The following STRN3 variants were observed in gnomAD, a reference collection of about 807,000 sequenced individuals.
STRN3 encodes striatin 3, also known as striatin-3.
In STRN3, 29 loss-of-function variants were observed where a neutral mutation model predicts 95.6. That is an observed-to-expected ratio of 0.30 (90% confidence interval 0.23 to 0.41). STRN3 has a LOEUF of 0.41. STRN3 is among the 10% of genes least tolerant of loss of function. The pLI is 1.00. For missense variants in STRN3, 890 were observed against 972.1 expected, an observed-to-expected ratio of 0.92 and a Z score of 1.12; for synonymous variants, 331 against 357.6, an observed-to-expected ratio of 0.93 and a Z score of 0.84.
At chr14:30,918,646 T>A (rs1896802435) in intron 9 of STRN3, among the ~76,000 whole-genome samples, 2 of 152,210 alleles carry the variant, frequency 1.3e-5, no homozygotes, top group South Asian at 4.1e-4. Flanking sequence ...ATATGTATTA[T>A]TTTAAGTTTG....
At chr14:30,942,528 T>C (rs1252709744) in intron 5 of STRN3, among the ~76,000 whole-genome samples, 1 of 152,156 alleles carries the variant, frequency 6.6e-6, no homozygotes, top group Non-Finnish European at 1.5e-5. Flanking sequence ...AATTTGGCCC[T>C]GAGATTCCAA....
At chr14:30,992,236 C>G (rs1003700496) in intron 1 of STRN3, among the ~76,000 whole-genome samples, 1 of 151,674 alleles carries the variant, frequency 6.6e-6, no homozygotes, top group African/African-American at 2.4e-5. Flanking sequence ...CATGGCAAAA[C>G]CCCATCTCTA....
chr14:30,953,149 AT>A, intron 3 of STRN3, among the ~76,000 whole-genome samples: 1 of 152,154 alleles, frequency 6.6e-6, no homozygotes, highest in Non-Finnish European at 1.5e-5. Context: ...ATTAGTTTCC[AT>A]TTTCTATTAT....
chr14:31,011,409 A>G (rs1383575056), intron 1 of STRN3, among the ~76,000 whole-genome samples: 1 of 152,194 alleles, frequency 6.6e-6, no homozygotes, highest in Non-Finnish European at 1.5e-5. Context: ...TGGGAGGCCG[A>G]GGCGGGTGGA....
chr14:30,991,741 G>T (rs970498034), intron 1 of STRN3, among the ~76,000 whole-genome samples: 19 of 151,964 alleles, frequency 1.3e-4, no homozygotes, highest in African/African-American at 4.3e-4. Flanking sequence ...AGGAGAGGAG[G>T]AGGAAGAGAC....
chr14:30,950,062 G>A (rs183688810), intron 4 of STRN3, among the ~76,000 whole-genome samples: 1 of 151,882 alleles, frequency 6.6e-6, no homozygotes, highest in Non-Finnish European at 1.5e-5. Context: ...ACTAGATAAG[G>A]GTGATCAATT....
intron 1 of STRN3, among the ~76,000 whole-genome samples, chr14:30,980,919 A>C (rs985507702): frequency 6.6e-6 from 1 of 152,210 alleles, no homozygotes; most frequent in African/African-American, 2.4e-5. Flanking sequence ...AGGAATTAAA[A>C]AAAAAACTTA....
chr14:30,966,113 T>A (rs1049931918), intron 1 of STRN3, among the ~76,000 whole-genome samples: 1 of 152,164 alleles, frequency 6.6e-6, no homozygotes, highest in African/African-American at 2.4e-5. Flanking sequence ...CATTCTCTTT[T>A]AATTAGCCAA....
chr14:30,894,896 T>TC lies in STRN3; in HGVS notation c.*514_*515insG, dbSNP rs909793185. 11 of 1,008,212 alleles carry TC rather than the reference T, an allele frequency of 1.1e-5. No individual in the cohort carries two copies. The highest frequency in any genetic ancestry group is 7.0e-5 in the East Asian group (1 of 14,256). 62.5% of individuals were successfully genotyped at this position (1,008,212 alleles called of 1,614,324 possible). A position where few individuals can be genotyped will look rare whatever the true frequency, so the allele number is the denominator to read the frequency against. ...TTTTAAGTTAAATTTTCTTTTTCTT[T>TC]TTTTTTTTTTTTAAAGCAAAATAAG... On this transcript the variant is annotated 3_prime_UTR_variant, in exon 18 of 18. Transcript: ENST00000357479.
At chr14:31,018,892 G>T (rs755097386) in intron 1 of STRN3, 18 of 285,112 alleles carry the variant, frequency 6.3e-5, no homozygotes, top group Non-Finnish European at 1.2e-4. Context: ...GGAGGCCAGG[G>T]TGGGCAGATC....
chr14:31,025,644 G>A lies in STRN3; in HGVS notation c.282+260C>T, dbSNP rs571638493. On this transcript the variant is annotated intron_variant, in intron 1 of 17. Transcript: ENST00000357479. ...CGCCTCCGGAGGAGCCCCCGCAGAC[G>A]CCATACTAAAAGCCAAAATGGCTGC... 1.0e-3 allele frequency: 551 copies of A among 541,446 alleles called. 8 individuals carry two copies. The highest frequency in any genetic ancestry group is 8.3e-3 in the South Asian group (389 of 46,766). 33.5% of individuals were successfully genotyped at this position (541,446 alleles called of 1,614,324 possible).
chr14:30,981,140 T>C (rs1566472939), intron 1 of STRN3, among the ~76,000 whole-genome samples: 1 of 151,570 alleles, frequency 6.6e-6, no homozygotes, highest in South Asian at 2.1e-4. Context: ...AGCAAGATCT[T>C]GTCTCTACAA....
chr14:30,981,201 G>C (rs1375420696), intron 1 of STRN3, among the ~76,000 whole-genome samples: 1 of 150,854 alleles, frequency 6.6e-6, no homozygotes, highest in African/African-American at 2.5e-5. Context: ...TGTAATCCCA[G>C]CTACTTGAGA....
intron 1 of STRN3, among the ~76,000 whole-genome samples, chr14:31,009,774 T>C (rs1882885146): frequency 6.6e-6 from 1 of 152,012 alleles, no homozygotes. Flanking sequence ...TCTTAGTAAG[T>C]AATAAAGCAT....
At position 30,986,405 on chromosome 14, in the gene STRN3, A is replaced by T. The variant is rs183671030; in HGVS notation, c.283-30163T>A. ...ACTTAGAAATGTGTGCTTGGCTGAA[A>T]TGCCTTCAAGAACTCAAGCATTTCT... is the stretch of plus-strand genomic sequence containing the variant. On this transcript the variant is annotated intron_variant, in intron 1 of 17. Coordinates refer to ENST00000357479, the MANE Select transcript of STRN3 (RefSeq NM_001083893.2). 1.8e-3 allele frequency among the ~76,000 whole-genome samples: 281 copies of T among 152,366 alleles called. 1 individual carries two copies. Among genetic ancestry groups the T allele is most frequent in the African/African-American group, 6.3e-3 (260 of 41,590 alleles).
chr14:31,013,871 TA>T (rs1566493180), intron 1 of STRN3, among the ~76,000 whole-genome samples: 39 of 52,038 alleles, frequency 7.5e-4, no homozygotes, highest in East Asian at 1.3e-3. Flanking sequence ...ATTTTATTAT[TA>T]TTATTATTAT....
At chr14:30,984,340 A>G (rs867742314) in intron 1 of STRN3, among the ~76,000 whole-genome samples, 4 of 150,616 alleles carry the variant, frequency 2.7e-5, no homozygotes, top group South Asian at 4.2e-4. Flanking sequence ...AGAGGCAGAG[A>G]CTGCAGTGAG....
intron 3 of STRN3, 66 bp downstream of exon 3, chr14:30,955,554 G>T: frequency 7.4e-7 from 1 of 1,356,562 alleles, no homozygotes; most frequent in South Asian, 1.4e-5. Flanking sequence ...TGCGGGTAAA[G>T]AGAACATGTC....
At chr14:30,918,621 T>C (rs1167481607) in intron 9 of STRN3, among the ~76,000 whole-genome samples, 1 of 152,216 alleles carries the variant, frequency 6.6e-6, no homozygotes, top group Non-Finnish European at 1.5e-5. Context: ...TAAGACAAAA[T>C]GAGTAGTTTT....
Sources: gnomAD v4.1 joint callset for allele counts (sites outside exome capture counted in the v4.1 genomes callset) on GRCh38, gnomAD v4.1.1 for gene constraint, MANE v1.5 for transcripts, NCBI Gene and HGNC (gene_info 2026-07-23, HGNC 2026-07-21) for gene names.